ARHGAP10: variants seen among roughly 807,000 people sequenced by gnomAD.
ARHGAP10 encodes the protein Rho GTPase activating protein 10, also known as rho GTPase-activating protein 10.
ARHGAP10 carries 87 observed loss-of-function variants against 108.6 expected under a neutral mutation model. The ratio of observed to expected loss-of-function variants is 0.80; its 90% confidence interval spans 0.67 to 0.96. The LOEUF (loss-of-function observed/expected upper bound fraction) is 0.96, where lower values mean the gene tolerates loss of function less well. Among genes scored for constraint, ARHGAP10 ranks in the 40% least tolerant of loss-of-function variants. The pLI, the probability that ARHGAP10 is intolerant of heterozygous loss-of-function variation, is 0.00. For missense variants in ARHGAP10, 939 were observed against 954.5 expected, an observed-to-expected ratio of 0.98 and a Z score of 0.21; for synonymous variants, 347 against 341.1, an observed-to-expected ratio of 1.02 and a Z score of -0.19.
At chr4:147,958,356 TTG>T (rs1444326772) in intron 16 of ARHGAP10, among the ~76,000 whole-genome samples, 1 of 152,008 alleles carries the variant, frequency 6.6e-6, no homozygotes, top group African/African-American at 2.4e-5. Flanking sequence ...ACCAAAACAC[TTG>T]TGTTGCTATG....
intron 1 of ARHGAP10, among the ~76,000 whole-genome samples, chr4:147,766,032 G>A (rs1327579434): frequency 6.6e-6 from 1 of 152,136 alleles, no homozygotes; most frequent in African/African-American, 2.4e-5. Flanking sequence ...TGTAATCCCA[G>A]CACTTTGGTA....
At chr4:147,787,670 T>C (rs1730948626) in intron 1 of ARHGAP10, among the ~76,000 whole-genome samples, 1 of 152,176 alleles carries the variant, frequency 6.6e-6, no homozygotes, top group Non-Finnish European at 1.5e-5. Context: ...GCCTTCGTGC[T>C]TCCCTGGCTC....
At chr4:147,784,260 TATTATATAATTTACATAACATTAA>T (rs1730708247) in intron 1 of ARHGAP10, among the ~76,000 whole-genome samples, 11 of 135,670 alleles carry the variant, frequency 8.1e-5, no homozygotes, top group East Asian at 2.1e-4. Flanking sequence ...TTAAATTGTG[TATTATATAATTTACATAACATTAA>T]ATTATATAAT....
chr4:148,000,466 G>C (rs905616821), intron 18 of ARHGAP10, among the ~76,000 whole-genome samples: 2 of 152,198 alleles, frequency 1.3e-5, no homozygotes, highest in Non-Finnish European at 2.9e-5. Context: ...GGGTCATATG[G>C]TATTTCTAGT....
chr4:147,803,557 T>C (rs1731664005), intron 1 of ARHGAP10, among the ~76,000 whole-genome samples: 1 of 152,244 alleles, frequency 6.6e-6, no homozygotes, highest in African/African-American at 2.4e-5. Context: ...ACTCTGTTTG[T>C]ACCCATTAGC....
At chr4:147,899,662 G>A (rs1180276228) in intron 10 of ARHGAP10, among the ~76,000 whole-genome samples, 1 of 151,956 alleles carries the variant, frequency 6.6e-6, no homozygotes, top group Non-Finnish European at 1.5e-5. Context: ...ACAGAAGAAA[G>A]AAGTTACTAT....
At chr4:147,989,846 G>GTTTT (rs1740202201) in intron 18 of ARHGAP10, among the ~76,000 whole-genome samples, 2 of 152,156 alleles carry the variant, frequency 1.3e-5, no homozygotes, top group Non-Finnish European at 2.9e-5. Flanking sequence ...GACAGGCATA[G>GTTTT]GAAATCACAA....
intron 13 of ARHGAP10, among the ~76,000 whole-genome samples, chr4:147,934,626 C>T (rs934613997): frequency 1.3e-5 from 2 of 152,062 alleles, no homozygotes; most frequent in Admixed American, 6.6e-5. Flanking sequence ...CCACTTGCAC[C>T]AGGAGTTTGA....
chr4:148,001,250 C>G (rs1242711501), intron 18 of ARHGAP10, among the ~76,000 whole-genome samples: 2 of 152,104 alleles, frequency 1.3e-5, no homozygotes, highest in Non-Finnish European at 2.9e-5. Flanking sequence ...TTTCTGAGGG[C>G]TCTGTTCTGT....
At chr4:147,866,657 CT>C (rs1560799179) in intron 6 of ARHGAP10, 54 bp from the exon 7 acceptor site, 2 of 1,338,058 alleles carry the variant, frequency 1.5e-6, no homozygotes, top group South Asian at 1.3e-5. Context: ...TTATATGATT[CT>C]TTTTTTCTCC....
rs1022138166 is a variant in ARHGAP10 at position 147,799,062 on chromosome 4, TCTCA to T, written c.155-23661_155-23658del. On this transcript the variant is annotated intron_variant, in intron 1 of 22. Transcript: ENST00000336498. ...TTTTTTTTTTCTCTTCGAGATGGAG[TCTCA>T]CTCTGTCACCCAGGCTGGAATGCAT... Among the ~76,000 whole-genome samples the T allele has an allele frequency of 4.6e-5, 7 of 151,278 alleles. No individual in the cohort carries two copies. In the South Asian group the frequency reaches 8.4e-4, roughly 18 times the overall value.
intron 1 of ARHGAP10, among the ~76,000 whole-genome samples, chr4:147,819,656 T>G (rs1732400861): frequency 6.6e-6 from 1 of 152,146 alleles, no homozygotes; most frequent in African/African-American, 2.4e-5. Context: ...CCTCCCGGGT[T>G]CACACCATTC....
chr4:148,016,734 A>C (rs1741361459), intron 18 of ARHGAP10, among the ~76,000 whole-genome samples: 1 of 152,066 alleles, frequency 6.6e-6, no homozygotes, highest in Non-Finnish European at 1.5e-5. Flanking sequence ...CTTAGTCCCC[A>C]AGACTGCCCC....
intron 1 of ARHGAP10, among the ~76,000 whole-genome samples, chr4:147,743,759 A>G (rs1440250573): frequency 6.6e-6 from 1 of 152,186 alleles, no homozygotes; most frequent in Non-Finnish European, 1.5e-5. Flanking sequence ...CCTGGGCAAC[A>G]AGAGTGAAAC....
intron 7 of ARHGAP10, among the ~76,000 whole-genome samples, chr4:147,873,379 T>C (rs1027820699): frequency 6.6e-6 from 1 of 152,062 alleles, no homozygotes; most frequent in Non-Finnish European, 1.5e-5. Flanking sequence ...TTCACACCTG[T>C]GATAGCATCC....
intron 4 of ARHGAP10, chr4:147,854,966 A>C: frequency 1.4e-6 from 1 of 737,808 alleles, no homozygotes; most frequent in Non-Finnish European, 1.7e-6. Context: ...TCTATTGCTG[A>C]GTGTGCTGGG....
intron 1 of ARHGAP10, among the ~76,000 whole-genome samples, chr4:147,772,260 C>G (rs1730112821): frequency 6.6e-6 from 1 of 152,240 alleles, no homozygotes; most frequent in African/African-American, 2.4e-5. Context: ...GAGCAGTGGA[C>G]TTCAGCTCCC....
intron 19 of ARHGAP10, among the ~76,000 whole-genome samples, chr4:148,028,769 C>A (rs1175032587): frequency 6.6e-6 from 1 of 152,140 alleles, no homozygotes; most frequent in African/African-American, 2.4e-5. Context: ...TTGAAGTGGG[C>A]TTGAATTAGC....
In ARHGAP10 at chr4:147,976,247, C is replaced by A. The variant is rs114796502; in HGVS notation, c.1716+9408C>A. On this transcript the variant is annotated intron_variant, in intron 18 of 22. Coordinates refer to ENST00000336498, the MANE Select transcript of ARHGAP10 (RefSeq NM_024605.4). ...AAAAAGAAATCTCTTTAAAAAACAT[C>A]TAGCCAAAAATGCTTCTTGATTTAG... 5.9e-3 allele frequency among the ~76,000 whole-genome samples: 899 copies of A among 152,312 alleles called. 10 individuals are homozygous for A. The highest frequency in any genetic ancestry group is 0.02 in the African/African-American group (843 of 41,574).
Sources: allele counts gnomAD v4.1 joint callset (sites outside exome capture counted in the v4.1 genomes callset), GRCh38; gene constraint gnomAD v4.1.1; transcripts MANE v1.5; gene names NCBI Gene and HGNC (gene_info 2026-07-23, HGNC 2026-07-21).